Variants in NLGN1 observed in about 807,000 individuals in gnomAD.
The protein encoded by NLGN1 is neuroligin 1, also known as neuroligin-1.
NLGN1 carries 12 observed loss-of-function variants against 65.5 expected under a neutral mutation model. That is an observed-to-expected ratio of 0.18 (90% CI 0.12 to 0.30). NLGN1 has a LOEUF of 0.30. NLGN1 is among the 10% of genes least tolerant of loss of function. NLGN1 has a pLI of 1.00. For missense variants in NLGN1, 750 were observed against 1,007.1 expected (o/e 0.74, Z 3.46); for synonymous variants, 350 against 359.5 (o/e 0.97, Z 0.30).
chr3:173,665,209 GT>G (rs1761527428), intron 3 of NLGN1, among the ~76,000 whole-genome samples: 1 of 152,060 alleles, frequency 6.6e-6, no homozygotes, highest in Non-Finnish European at 1.5e-5. Flanking sequence ...TGTGAGTGTG[GT>G]TCCTCCAAGT....
At chr3:173,897,416 T>C (rs1736534097) in intron 4 of NLGN1, among the ~76,000 whole-genome samples, 1 of 152,344 alleles carries the variant, frequency 6.6e-6, no homozygotes, top group East Asian at 1.9e-4. Flanking sequence ...TTCCTATAAA[T>C]ATATCATTCA....
chr3:173,468,616 C>T (rs77630349), intron 2 of NLGN1, among the ~76,000 whole-genome samples: 19,295 of 151,946 alleles, frequency 0.13, 1,361 homozygotes, highest in South Asian at 0.23. Context: ...TGATGAATAA[C>T]CTTTTTCCGT....
chr3:173,975,153 C>G (rs1717152842), intron 4 of NLGN1, among the ~76,000 whole-genome samples: 1 of 151,978 alleles, frequency 6.6e-6, no homozygotes, highest in African/African-American at 2.4e-5. Context: ...TTACAGTTGT[C>G]TTTAGGTAAA....
chr3:174,266,337 C>T (rs1006379900), intron 4 of NLGN1, among the ~76,000 whole-genome samples: 3 of 152,076 alleles, frequency 2.0e-5, no homozygotes, highest in African/African-American at 4.8e-5. Context: ...TGTTAATTTG[C>T]GTAGGATAAT....
At chr3:173,725,653 A>G (rs1239684406) in intron 3 of NLGN1, among the ~76,000 whole-genome samples, 2 of 152,186 alleles carry the variant, frequency 1.3e-5, no homozygotes, top group Non-Finnish European at 2.9e-5. Flanking sequence ...GGCTTCTTAA[A>G]ACCACATACA....
intron 2 of NLGN1, among the ~76,000 whole-genome samples, chr3:173,498,982 C>A (rs534116266): frequency 0.028 from 4,228 of 150,172 alleles, 239 homozygotes; most frequent in African/African-American, 0.099. Flanking sequence ...AGATTGCAAA[C>A]ATTTTCTCCC....
chr3:173,796,306 G>A (rs140446397), intron 3 of NLGN1, among the ~76,000 whole-genome samples: 2 of 152,174 alleles, frequency 1.3e-5, no homozygotes, highest in East Asian at 3.9e-4. Context: ...ACAGAGAAAC[G>A]CTGATATTTT....
intron 4 of NLGN1, among the ~76,000 whole-genome samples, chr3:174,020,306 G>A (rs771810166): frequency 2.6e-5 from 4 of 152,010 alleles, no homozygotes; most frequent in Non-Finnish European, 5.9e-5. Context: ...AAAATTTTAG[G>A]CTGAGACTTG....
At chr3:173,587,818 G>T (rs986526635) in intron 2 of NLGN1, among the ~76,000 whole-genome samples, 1 of 149,972 alleles carries the variant, frequency 6.7e-6, no homozygotes, top group Non-Finnish European at 1.5e-5. Context: ...TTGCTTGACA[G>T]CTGCACCTGT....
chr3:173,781,298 A>G (rs748119585), intron 3 of NLGN1, among the ~76,000 whole-genome samples: 2 of 152,174 alleles, frequency 1.3e-5, no homozygotes, highest in Non-Finnish European at 2.9e-5. Context: ...GTATATTTAA[A>G]CAGAATATGG....
intron 2 of NLGN1, among the ~76,000 whole-genome samples, chr3:173,586,069 A>T (rs1041990807): frequency 1.3e-5 from 2 of 152,156 alleles, no homozygotes; most frequent in African/African-American, 2.4e-5. Flanking sequence ...TATTTGAGGG[A>T]TGTATATAAA....
intron 4 of NLGN1, chr3:174,202,834 C>G (rs976084251): frequency 2.0e-5 from 3 of 152,062 alleles, no homozygotes; most frequent in Non-Finnish European, 4.4e-5. Context: ...CCCATCTCAC[C>G]CAAGGAAGTC....
At chr3:173,500,810 T>G (rs1235775298) in intron 2 of NLGN1, among the ~76,000 whole-genome samples, 5 of 152,116 alleles carry the variant, frequency 3.3e-5, no homozygotes, top group African/African-American at 1.2e-4. Flanking sequence ...GTCCCCTTGC[T>G]ACAAGCTCCC....
intron 4 of NLGN1, among the ~76,000 whole-genome samples, chr3:174,216,568 G>A (rs551560363): frequency 3.3e-5 from 5 of 152,076 alleles, no homozygotes; most frequent in African/African-American, 1.2e-4. Context: ...AAATAGAAAA[G>A]ACTGTATGAG....
At chr3:174,213,401 TAAAG>T (rs1737049883) in intron 4 of NLGN1, among the ~76,000 whole-genome samples, 1 of 152,154 alleles carries the variant, frequency 6.6e-6, no homozygotes, top group South Asian at 2.1e-4. Context: ...TATTAATTAT[TAAAG>T]AAACCATGAT....
At chr3:173,736,491 T>G (rs1291748526) in intron 3 of NLGN1, among the ~76,000 whole-genome samples, 1 of 152,002 alleles carries the variant, frequency 6.6e-6, no homozygotes, top group African/African-American at 2.4e-5. Flanking sequence ...AATATAAACA[T>G]AGAAGGGGAC....
intron 4 of NLGN1, among the ~76,000 whole-genome samples, chr3:174,231,250 C>T (rs193257250): frequency 8.5e-5 from 13 of 152,254 alleles, no homozygotes; most frequent in East Asian, 7.7e-4. Flanking sequence ...ATTTGCGAAT[C>T]GGAGAGTCCC....
intron 4 of NLGN1, among the ~76,000 whole-genome samples, chr3:173,978,700 A>G (rs112642604): frequency 1.2e-3 from 182 of 151,994 alleles, no homozygotes; most frequent in African/African-American, 4.1e-3. Flanking sequence ...ATTCCTGAGA[A>G]TCGAGTAAAA....
At chr3:174,104,410 A>C (rs531501539) in intron 4 of NLGN1, among the ~76,000 whole-genome samples, 1 of 152,260 alleles carries the variant, frequency 6.6e-6, no homozygotes, top group African/African-American at 2.4e-5. Flanking sequence ...TTACTCAAAA[A>C]TATTTATTAA....
Sources: allele counts gnomAD v4.1 joint callset (sites outside exome capture counted in the v4.1 genomes callset), GRCh38; gene constraint gnomAD v4.1.1; transcripts MANE v1.5; gene names NCBI Gene and HGNC (gene_info 2026-07-23, HGNC 2026-07-21).